The following CRADD variants were observed in gnomAD, a reference collection of about 807,000 sequenced individuals.
The protein encoded by CRADD is death domain-containing protein CRADD.
In CRADD, 9 loss-of-function variants were observed where a neutral mutation model predicts 15.5. The observed-to-expected ratio is 0.58, with a 90% CI of 0.35 to 1.01. The LOEUF is 1.01. CRADD is among the 50% of genes least tolerant of loss of function. The probability of loss-of-function intolerance (pLI) is 0.02; values close to 1 mark genes in which losing one functional copy is unlikely to be tolerated. For missense variants in CRADD, 227 were observed against 250.3 expected (o/e 0.91, Z 0.63); for synonymous variants, 118 against 107.6 (o/e 1.10, Z -0.60).
At chr12:93,849,117 C>A (rs535034127) in intron 2 of CRADD, 1 of 152,240 alleles carries the variant, frequency 6.6e-6, no homozygotes, top group Non-Finnish European at 1.5e-5. Context: ...TCAACCTCAT[C>A]GGCGAGGGTA....
chr12:93,836,295 A>G (rs1006737439), intron 2 of CRADD: 1 of 152,302 alleles, frequency 6.6e-6, no homozygotes, highest in African/African-American at 2.4e-5. Flanking sequence ...GAGCTTCAGG[A>G]AGGTAGGAAT....
intron 2 of CRADD, among the ~76,000 whole-genome samples, chr12:93,790,931 AC>A (rs1484766644): frequency 6.6e-6 from 1 of 151,800 alleles, no homozygotes; most frequent in Non-Finnish European, 1.5e-5. Context: ...ACACACACAC[AC>A]ACACACACTC....
chr12:93,872,368 G>A (rs1384339548), intron 2 of CRADD, among the ~76,000 whole-genome samples: 1 of 152,220 alleles, frequency 6.6e-6, no homozygotes, highest in African/African-American at 2.4e-5. Context: ...TCTTCACGTT[G>A]TTAGCTGTCT....
intron 2 of CRADD, among the ~76,000 whole-genome samples, chr12:93,798,476 A>G (rs12581704): frequency 0.1 from 15,632 of 152,162 alleles, 954 homozygotes; most frequent in Admixed American, 0.2. Context: ...TAACAACCCT[A>G]TGAGATAGCA....
chr12:93,743,255 G>T (rs940662634), intron 2 of CRADD, among the ~76,000 whole-genome samples: 6 of 152,128 alleles, frequency 3.9e-5, no homozygotes, highest in Non-Finnish European at 8.8e-5. Context: ...GGATTCTAGG[G>T]ATCTTTTTAT....
At chr12:93,846,581 AAC>A (rs746253043) in intron 2 of CRADD, 14,875 of 136,154 alleles carry the variant, frequency 0.11, 903 homozygotes, top group Non-Finnish European at 0.15. Flanking sequence ...TTAAAACCAG[AAC>A]ACACACACAC....
chr12:93,770,488 A>G (rs1321703685), intron 2 of CRADD, among the ~76,000 whole-genome samples: 4 of 152,170 alleles, frequency 2.6e-5, no homozygotes, highest in African/African-American at 9.7e-5. Flanking sequence ...GTATGTTGAA[A>G]AGTTAGGGTT....
chr12:93,738,510 G>T, intron 2 of CRADD: 1 of 700,898 alleles, frequency 1.4e-6, no homozygotes, highest in South Asian at 1.5e-5. Context: ...CAGCAACACT[G>T]ACCAAAGCAA....
At chr12:93,881,443 G>GTA (rs971569660) in intron 2 of CRADD, among the ~76,000 whole-genome samples, 2 of 144,300 alleles carry the variant, frequency 1.4e-5, no homozygotes, top group South Asian at 2.4e-4. Flanking sequence ...AAAGTGTGGG[G>GTA]GGGGGGTGGG....
chr12:93,786,149 G>A (rs1244886931), intron 2 of CRADD, among the ~76,000 whole-genome samples: 14 of 152,126 alleles, frequency 9.2e-5, no homozygotes, highest in Non-Finnish European at 1.9e-4. Context: ...CTAAACTTTG[G>A]CAATTCATTC....
chr12:93,764,235 T>G (rs1957002152), intron 2 of CRADD, among the ~76,000 whole-genome samples: 1 of 145,534 alleles, frequency 6.9e-6, no homozygotes, highest in African/African-American at 2.5e-5. Flanking sequence ...CTGTGAGCAG[T>G]GAATTGGAAG....
intron 2 of CRADD, among the ~76,000 whole-genome samples, chr12:93,885,492 T>C (rs1958530170): frequency 6.7e-6 from 1 of 149,192 alleles, no homozygotes; most frequent in Admixed American, 6.7e-5. Flanking sequence ...GGAGGGGTTG[T>C]TGAGTATGTG....
At chr12:93,867,592 A>T (rs929337327) in intron 2 of CRADD, among the ~76,000 whole-genome samples, 2 of 152,034 alleles carry the variant, frequency 1.3e-5, no homozygotes, top group Admixed American at 6.6e-5. Flanking sequence ...TTACAGGGAT[A>T]TGGTTCAACT....
intron 2 of CRADD, among the ~76,000 whole-genome samples, chr12:93,784,088 C>T (rs953629937): frequency 1.3e-5 from 2 of 152,120 alleles, no homozygotes; most frequent in African/African-American, 2.4e-5. Flanking sequence ...CAGTGCGGTA[C>T]TTCATGGCTG....
chr12:93,893,747 A>T (rs1296720673), intron 2 of CRADD, among the ~76,000 whole-genome samples: 6 of 152,144 alleles, frequency 3.9e-5, no homozygotes, highest in African/African-American at 1.4e-4. Flanking sequence ...CTCTACTAAC[A>T]ATACAAAAAT....
intron 2 of CRADD, among the ~76,000 whole-genome samples, chr12:93,726,501 CTATTT>C (rs1436903150): frequency 6.6e-6 from 1 of 151,976 alleles, no homozygotes; most frequent in Non-Finnish European, 1.5e-5. Flanking sequence ...TTACATTTAC[CTATTT>C]TATTTATCTC....
intron 2 of CRADD, among the ~76,000 whole-genome samples, chr12:93,711,460 G>A (rs1956072946): frequency 6.6e-6 from 1 of 151,922 alleles, no homozygotes; most frequent in African/African-American, 2.4e-5. Context: ...ACCCGAGGGG[G>A]GATTTCATTG....
At chr12:93,683,431 G>A (rs1430395052) in intron 2 of CRADD, among the ~76,000 whole-genome samples, 1 of 152,240 alleles carries the variant, frequency 6.6e-6, no homozygotes, top group African/African-American at 2.4e-5. Context: ...AGAGCTCTGG[G>A]AACACAGCTC....
At chr12:93,793,568 CT>C (rs1957376348) in intron 2 of CRADD, among the ~76,000 whole-genome samples, 1 of 152,168 alleles carries the variant, frequency 6.6e-6, no homozygotes, top group Non-Finnish European at 1.5e-5. Flanking sequence ...AGTGAGAGCA[CT>C]GTATAACAGG....
Sources: allele counts gnomAD v4.1 joint callset (sites outside exome capture counted in the v4.1 genomes callset), GRCh38; gene constraint gnomAD v4.1.1; transcripts MANE v1.5; gene names NCBI Gene and HGNC (gene_info 2026-07-23, HGNC 2026-07-21).